The following PTPRD variants were observed in gnomAD, a reference collection of about 807,000 sequenced individuals.
The protein encoded by PTPRD is protein tyrosine phosphatase receptor type D.
In PTPRD, 34 loss-of-function variants were observed where a neutral mutation model predicts 214.5. The observed-to-expected ratio is 0.16, with a 90% confidence interval of 0.12 to 0.21. PTPRD has a LOEUF of 0.21. Among genes scored for constraint, PTPRD ranks in the 10% least tolerant of loss-of-function variants. PTPRD has a pLI of 1.00. For synonymous variants in PTPRD, 1,128 were observed against 845.7 expected, an observed-to-expected ratio of 1.33 and a Z score of -5.79; for missense variants, 2,545 against 2,398.7, an observed-to-expected ratio of 1.06 and a Z score of -1.27.
intron 2 of PTPRD, among the ~76,000 whole-genome samples, chr9:10,442,035 T>C (rs2098762740): frequency 2.0e-5 from 3 of 151,602 alleles, no homozygotes; most frequent in African/African-American, 7.2e-5. Context: ...TAAATATAAA[T>C]GTTTGAAGAC....
chr9:8,657,064 C>A (rs575311924), intron 12 of PTPRD, among the ~76,000 whole-genome samples: 3 of 152,020 alleles, frequency 2.0e-5, no homozygotes, highest in Non-Finnish European at 2.9e-5. Flanking sequence ...TTTTGATTTG[C>A]ATTTCTCTAA....
At chr9:9,662,275 C>T (rs1013484083) in intron 7 of PTPRD, among the ~76,000 whole-genome samples, 1 of 151,692 alleles carries the variant, frequency 6.6e-6, no homozygotes, top group Admixed American at 6.6e-5. Context: ...CTGGGAGTGA[C>T]ATTCAACTCT....
intron 9 of PTPRD, among the ~76,000 whole-genome samples, chr9:9,385,389 A>G (rs1415348663): frequency 6.6e-6 from 1 of 152,170 alleles, no homozygotes; most frequent in Non-Finnish European, 1.5e-5. Context: ...AGTGAGATAA[A>G]TGAGAGGAAA....
chr9:8,777,480 C>A (rs917362303), intron 11 of PTPRD, among the ~76,000 whole-genome samples: 1 of 152,090 alleles, frequency 6.6e-6, no homozygotes, highest in Non-Finnish European at 1.5e-5. Context: ...AATATAAAGA[C>A]AATTTTGTGG....
intron 2 of PTPRD, among the ~76,000 whole-genome samples, chr9:10,585,889 T>C (rs1402873784): frequency 6.6e-6 from 1 of 152,026 alleles, no homozygotes. Flanking sequence ...ACAACATGCA[T>C]GGGAAAGTCA....
chr9:10,497,735 T>C (rs2042497795), intron 2 of PTPRD, among the ~76,000 whole-genome samples: 1 of 152,054 alleles, frequency 6.6e-6, no homozygotes, highest in South Asian at 2.1e-4. Context: ...ATAATGTGTG[T>C]ATATACTTAA....
At chr9:10,170,886 C>T (rs1479195746) in intron 3 of PTPRD, among the ~76,000 whole-genome samples, 1 of 152,056 alleles carries the variant, frequency 6.6e-6, no homozygotes, top group Non-Finnish European at 1.5e-5. Flanking sequence ...TTTTTAAATA[C>T]TAGGACTGAA....
At chr9:10,004,974 G>C (rs1012005912) in intron 4 of PTPRD, among the ~76,000 whole-genome samples, 2 of 152,112 alleles carry the variant, frequency 1.3e-5, no homozygotes, top group Non-Finnish European at 2.9e-5. Context: ...TAGTCCAACT[G>C]TAAATGCTAG....
intron 14 of PTPRD, among the ~76,000 whole-genome samples, chr9:8,529,243 A>G (rs1379351615): frequency 3.3e-5 from 5 of 152,106 alleles, no homozygotes; most frequent in Admixed American, 3.3e-4. Context: ...ATGGAAGCCA[A>G]CAGTGCCAGC....
At chr9:8,925,693 T>C (rs2098878274) in intron 11 of PTPRD, among the ~76,000 whole-genome samples, 1 of 150,666 alleles carries the variant, frequency 6.6e-6, no homozygotes, top group African/African-American at 2.4e-5. Flanking sequence ...ATCCTCAACT[T>C]TTCCTTTACG....
At chr9:9,438,885 T>C (rs1029843563) in intron 8 of PTPRD, among the ~76,000 whole-genome samples, 3 of 152,174 alleles carry the variant, frequency 2.0e-5, no homozygotes, top group African/African-American at 7.2e-5. Flanking sequence ...TATAAACTTT[T>C]CTATGTATCA....
chr9:9,649,102 G>A (rs927631963), intron 7 of PTPRD, among the ~76,000 whole-genome samples: 3 of 152,106 alleles, frequency 2.0e-5, no homozygotes, highest in Non-Finnish European at 4.4e-5. Flanking sequence ...AAACCAAGAC[G>A]CAGTGTTATT....
chr9:8,432,903 T>C lies in PTPRD; in HGVS notation c.4086+3689A>G, dbSNP rs775424383. Reference sequence around the variant, plus strand: ...CCACAGCTAAGCCTACTGGGGAAGCTGTGCATAGCAGCATTGCCAGCATGC... The same window carrying C: ...CCACAGCTAAGCCTACTGGGGAAGCCGTGCATAGCAGCATTGCCAGCATGC... On this transcript the variant is annotated intron_variant, in intron 35 of 45. Coordinates refer to ENST00000381196, the MANE Select transcript of PTPRD (RefSeq NM_002839.4). Among the ~76,000 whole-genome samples, 11 of 152,336 alleles carry C rather than the reference T, an allele frequency of 7.2e-5. No homozygotes were observed. The Middle Eastern group carries it at 0.014, about 188-fold the overall frequency.
chr9:8,347,631 A>C (rs1447018038), intron 39 of PTPRD, among the ~76,000 whole-genome samples: 1 of 152,136 alleles, frequency 6.6e-6, no homozygotes, highest in African/African-American at 2.4e-5. Context: ...CATATGTTGA[A>C]ACGCTAACCC....
intron 8 of PTPRD, among the ~76,000 whole-genome samples, chr9:9,560,824 T>C (rs1239833300): frequency 2.0e-5 from 3 of 152,156 alleles, no homozygotes; most frequent in Admixed American, 2.0e-4. Context: ...GTCCGCCCTG[T>C]CTTGGCTGCT....
chr9:10,312,155 G>T (rs2096282727), intron 3 of PTPRD, among the ~76,000 whole-genome samples: 1 of 151,966 alleles, frequency 6.6e-6, no homozygotes. Context: ...GTCATTTGAT[G>T]AGAGAATCTT....
intron 8 of PTPRD, among the ~76,000 whole-genome samples, chr9:9,423,614 A>G (rs2079670723): frequency 6.6e-6 from 1 of 152,214 alleles, no homozygotes; most frequent in Non-Finnish European, 1.5e-5. Context: ...CCAGATACGC[A>G]CTGAAAGTAA....
At chr9:9,418,223 A>C (rs2077555295) in intron 8 of PTPRD, among the ~76,000 whole-genome samples, 1 of 151,968 alleles carries the variant, frequency 6.6e-6, no homozygotes, top group Admixed American at 6.6e-5. Context: ...ATGCTCAATG[A>C]TGTATTTCTG....
At chr9:8,495,480 A>C (rs1465107164) in intron 26 of PTPRD, among the ~76,000 whole-genome samples, 1 of 152,144 alleles carries the variant, frequency 6.6e-6, no homozygotes, top group Non-Finnish European at 1.5e-5. Flanking sequence ...TTTACTCTCT[A>C]ATCTATCCAC....
Sources: allele counts gnomAD v4.1 joint callset (sites outside exome capture counted in the v4.1 genomes callset), GRCh38; gene constraint gnomAD v4.1.1; transcripts MANE v1.5; gene names NCBI Gene and HGNC (gene_info 2026-07-23, HGNC 2026-07-21).